Variants in DCC observed in about 807,000 individuals in gnomAD.
DCC encodes DCC netrin 1 receptor.
In DCC, 58 loss-of-function variants were observed where a neutral mutation model predicts 172.5. The observed-to-expected ratio is 0.34, with a 90% CI of 0.27 to 0.42. The LOEUF (loss-of-function observed/expected upper bound fraction) is 0.42, where lower values mean the gene tolerates loss of function less well. Ranked by LOEUF, DCC falls within the 10% of genes least tolerant of loss-of-function variation. DCC has a pLI of 1.00. For missense variants in DCC, 1,740 were observed against 1,791.0 expected (o/e 0.97, Z 0.51); for synonymous variants, 709 against 644.5 (o/e 1.10, Z -1.52).
At chr18:52,678,870 T>G (rs1206441378) in intron 1 of DCC, among the ~76,000 whole-genome samples, 2 of 152,156 alleles carry the variant, frequency 1.3e-5, no homozygotes, top group Non-Finnish European at 2.9e-5. Context: ...TTGCCCATTC[T>G]TTCATCGGTG....
At chr18:53,506,859 C>CA (rs34848744) in intron 27 of DCC, among the ~76,000 whole-genome samples, 18,443 of 133,114 alleles carry the variant, frequency 0.14, 1,370 homozygotes, top group Admixed American at 0.25. Flanking sequence ...GACTCCATCT[C>CA]AAAAAAAAAA....
intron 27 of DCC, among the ~76,000 whole-genome samples, chr18:53,507,774 T>C (rs575835214): frequency 1.3e-5 from 2 of 152,184 alleles, no homozygotes; most frequent in Non-Finnish European, 2.9e-5. Context: ...TTAATGTCTT[T>C]TTCAAAGTGC....
In DCC at chr18:53,531,769, A is replaced by C. The variant is rs549327920; in HGVS notation, c.*1116A>C. 3 of 152,324 alleles carry C rather than the reference A, an allele frequency of 2.0e-5. No homozygotes were observed. The South Asian group carries it at 6.2e-4, about 32-fold the overall frequency. The allele number at this position is 152,324 out of a possible 1,614,324, so 9.4% of individuals were successfully genotyped here. On this transcript the variant is annotated 3_prime_UTR_variant, in exon 29 of 29. Transcript: ENST00000442544. ...GAATGCCAACTCTGCCTACAGGGTC[A>C]GTGTTGGCAAGCATTGGCCACCAGA...
intron 1 of DCC, among the ~76,000 whole-genome samples, chr18:52,595,862 G>A (rs2033900193): frequency 6.6e-6 from 1 of 152,156 alleles, no homozygotes; most frequent in Non-Finnish European, 1.5e-5. Context: ...TAGGACCCAG[G>A]TGGCAGATGC....
chr18:52,967,952 A>G (rs1417213878), intron 5 of DCC, among the ~76,000 whole-genome samples: 2 of 152,308 alleles, frequency 1.3e-5, no homozygotes, highest in East Asian at 1.9e-4. Context: ...TTTTAGACGC[A>G]TTAAAATACA....
At chr18:52,487,740 G>A (rs557895401) in intron 1 of DCC, among the ~76,000 whole-genome samples, 3 of 150,176 alleles carry the variant, frequency 2.0e-5, no homozygotes, top group African/African-American at 4.9e-5. Context: ...GAATTCATGA[G>A]GCGGAGGTTG....
At chr18:52,860,579 A>G (rs988823481) in intron 2 of DCC, among the ~76,000 whole-genome samples, 4 of 152,236 alleles carry the variant, frequency 2.6e-5, no homozygotes, top group African/African-American at 9.6e-5. Flanking sequence ...CCCCTTTTCT[A>G]CCAAAGACAA....
intron 5 of DCC, among the ~76,000 whole-genome samples, chr18:52,979,260 G>A (rs1289123583): frequency 6.6e-6 from 1 of 152,184 alleles, no homozygotes; most frequent in Non-Finnish European, 1.5e-5. Context: ...TGAAGACGGA[G>A]GAGAGGGGAA....
chr18:53,174,466 AG>A (rs1467058501), intron 8 of DCC, among the ~76,000 whole-genome samples: 2 of 149,800 alleles, frequency 1.3e-5, no homozygotes, highest in African/African-American at 4.9e-5. Context: ...AGAATCAAAT[AG>A]ACACAATAAA....
chr18:53,325,128 G>T (rs1794578953), intron 14 of DCC, among the ~76,000 whole-genome samples: 1 of 148,316 alleles, frequency 6.7e-6, no homozygotes, highest in Middle Eastern at 3.5e-3. Flanking sequence ...GGGAGGCAGA[G>T]GTAGCAGTGA....
At chr18:53,083,951 CCT>C (rs770434649) in intron 7 of DCC, among the ~76,000 whole-genome samples, 3 of 152,232 alleles carry the variant, frequency 2.0e-5, no homozygotes, top group Non-Finnish European at 4.4e-5. Context: ...TCCGAATTTC[CCT>C]CTCTTTGTGG....
chr18:52,772,765 A>G (rs1240596810), intron 2 of DCC, among the ~76,000 whole-genome samples: 5 of 152,152 alleles, frequency 3.3e-5, no homozygotes, highest in African/African-American at 9.7e-5. Flanking sequence ...GTAAGGACTC[A>G]ATGGAAGCTG....
At chr18:52,798,023 TC>T (rs376543221) in intron 2 of DCC, among the ~76,000 whole-genome samples, 5 of 152,128 alleles carry the variant, frequency 3.3e-5, no homozygotes, top group African/African-American at 1.2e-4. Flanking sequence ...GGAAGATTAA[TC>T]CCCAGATGCC....
intron 2 of DCC, among the ~76,000 whole-genome samples, chr18:52,812,032 A>G (rs562989391): frequency 3.0e-4 from 45 of 152,340 alleles, no homozygotes; most frequent in Admixed American, 2.7e-3. Context: ...GAGAGCCAGC[A>G]TGGTCCATGA....
At chr18:53,355,668 G>A (rs916591188) in intron 15 of DCC, among the ~76,000 whole-genome samples, 2 of 152,110 alleles carry the variant, frequency 1.3e-5, no homozygotes, top group African/African-American at 4.8e-5. Flanking sequence ...AGGAGATTTG[G>A]GGCTGAGACA....
At chr18:53,032,443 G>A (rs995604249) in intron 5 of DCC, among the ~76,000 whole-genome samples, 7 of 152,126 alleles carry the variant, frequency 4.6e-5, no homozygotes, top group Non-Finnish European at 1.0e-4. Flanking sequence ...GAGGTTGCTT[G>A]TGTTTTGACA....
At chr18:53,190,638 G>T (rs553967851) in intron 9 of DCC, among the ~76,000 whole-genome samples, 2 of 152,234 alleles carry the variant, frequency 1.3e-5, no homozygotes, top group African/African-American at 4.8e-5. Context: ...AAACATAGCA[G>T]TGACAACATA....
At chr18:52,935,784 A>G (rs1021930428) in intron 5 of DCC, among the ~76,000 whole-genome samples, 2 of 152,142 alleles carry the variant, frequency 1.3e-5, no homozygotes, top group African/African-American at 4.8e-5. Context: ...GGAAGTAGTT[A>G]TAATAAAATA....
At chr18:53,300,010 T>G (rs2057113830) in intron 12 of DCC, among the ~76,000 whole-genome samples, 2 of 152,096 alleles carry the variant, frequency 1.3e-5, no homozygotes, top group South Asian at 4.2e-4. Context: ...TAGTTAAGAG[T>G]GGTGCTTAAT....
Sources: gnomAD v4.1 joint callset for allele counts (sites outside exome capture counted in the v4.1 genomes callset) on GRCh38, gnomAD v4.1.1 for gene constraint, MANE v1.5 for transcripts, NCBI Gene and HGNC (gene_info 2026-07-23, HGNC 2026-07-21) for gene names.